The following FBLN2 variants were observed in gnomAD, a reference collection of about 807,000 sequenced individuals.
FBLN2 encodes fibulin-2.
Under a neutral mutation model 123.7 loss-of-function variants are expected in FBLN2, and 81 were observed. The ratio of observed to expected loss-of-function variants is 0.65; its 90% CI spans 0.55 to 0.79. The LOEUF (loss-of-function observed/expected upper bound fraction) is 0.79, where lower values mean the gene tolerates loss of function less well. Among genes scored for constraint, FBLN2 ranks in the 30% least tolerant of loss-of-function variants. The probability of loss-of-function intolerance (pLI) is 0.00; values close to 1 mark genes in which losing one functional copy is unlikely to be tolerated. For missense variants in FBLN2, 1,603 were observed against 1,681.3 expected (o/e 0.95, Z 0.81); for synonymous variants, 699 against 701.4 (o/e 1.00, Z 0.05).
intron 2 of FBLN2, among the ~76,000 whole-genome samples, chr3:13,592,862 C>T (rs1336234609): frequency 6.6e-6 from 1 of 152,188 alleles, no homozygotes; most frequent in Non-Finnish European, 1.5e-5. Flanking sequence ...CTGGGCTCTG[C>T]TGATGGGGGC....
rs985522824 is a variant in FBLN2, at chr3:13,628,971, G to T, written c.2636G>T (p.Gly879Val). The change falls in exon 12 of 18, where the codon GGC becomes GTC. Residue 879 changes from glycine (G) to valine (V), a missense_variant. Transcript: ENST00000404922. The stretch of plus-strand genomic sequence containing the variant: ...GGCTTCAGCTGCATCAACACGGTGG[G>T]CTCCTACACATGCCAGAGGAACCCG... ...RPGFSCINTV[G>V]SYTCQRNPLI... 6.2e-7 allele frequency: 1 copy of T among 1,613,572 alleles called. No homozygotes were observed. Among genetic ancestry groups the T allele is most frequent in the Non-Finnish European group, 8.5e-7 (1 of 1,179,770 alleles).
chr3:13,637,693 C>T lies in FBLN2; in HGVS notation c.3470C>T (p.Pro1157Leu). The stretch of plus-strand genomic sequence containing the variant: ...CATATCTTCCGCATTGGCCCCGCGC[C>T]AGCCTTCACGGGGGACACCATCGCC... ...PAHIFRIGPA[P>L]AFTGDTIALN... The change falls in exon 18 of 18, where the codon CCA becomes CTA. Residue 1157 changes from proline (P) to leucine (L), a missense_variant. Coordinates refer to ENST00000404922, the MANE Select transcript of FBLN2 (RefSeq NM_001004019.2). The T allele has an allele frequency of 6.2e-7, 1 of 1,614,010 alleles. No homozygotes were observed. Among genetic ancestry groups the T allele is most frequent in the African/African-American group, 1.3e-5 (1 of 75,074 alleles).
At chr3:13,564,980 C>T (rs1703702480) in intron 1 of FBLN2, among the ~76,000 whole-genome samples, 1 of 152,200 alleles carries the variant, frequency 6.6e-6, no homozygotes, top group Non-Finnish European at 1.5e-5. Flanking sequence ...TCCTGAGGCA[C>T]TTCTGACTCT....
intron 2 of FBLN2, among the ~76,000 whole-genome samples, chr3:13,581,069 G>T (rs549574816): frequency 6.6e-6 from 1 of 152,308 alleles, no homozygotes; most frequent in East Asian, 1.9e-4. Context: ...AAACACACAG[G>T]TGTTTAATTT....
rs1706405252 is a variant in FBLN2, at chr3:13,634,909, ACAGGGATGT to A, written c.3215-1531_3215-1523del. 2.0e-5 allele frequency among the ~76,000 whole-genome samples: 3 copies of A among 152,330 alleles called. No homozygotes were observed. In the South Asian group the frequency reaches 6.2e-4, roughly 32 times the overall value. On this transcript the variant is annotated intron_variant, in intron 16 of 17. Coordinates refer to ENST00000404922, the MANE Select transcript of FBLN2 (RefSeq NM_001004019.2). ...GTGGGTGCAGAGTCCCTCAAGCATCACAGGGATGTCAGGCAGTAAACTCTGGAGGCAGGC... is the reference window on the plus strand; with the variant it reads ...GTGGGTGCAGAGTCCCTCAAGCATCACAGGCAGTAAACTCTGGAGGCAGGC...
intron 2 of FBLN2, among the ~76,000 whole-genome samples, chr3:13,587,679 TTTAAGTCTGATA>T (rs1303350944): frequency 6.6e-6 from 1 of 152,238 alleles, no homozygotes; most frequent in Non-Finnish European, 1.5e-5. Flanking sequence ...CAGCACAGAC[TTTAAGTCTGATA>T]AGAAACATTT....
chr3:13,577,629 A>C (rs113406925), intron 2 of FBLN2, among the ~76,000 whole-genome samples: 5 of 152,222 alleles, frequency 3.3e-5, no homozygotes, highest in African/African-American at 1.2e-4. Context: ...AGGAGCTCCC[A>C]AAAGGGAACA....
Position 13,613,216 on chromosome 3 carries a change from T to A in FBLN2, c.1549-768T>A, listed in dbSNP as rs1297261363. Among the ~76,000 whole-genome samples, 3 of 152,192 alleles carry A rather than the reference T, an allele frequency of 2.0e-5. No individual in the cohort carries two copies. The South Asian group carries it at 6.2e-4, about 31-fold the overall frequency. On this transcript the variant is annotated intron_variant, in intron 4 of 17. Transcript: ENST00000404922. ...CACCATCATGTGTATCTCATTCTAT[T>A]GGCCAAAGCAAGACAGAAGGCACAA... is the stretch of plus-strand genomic sequence containing the variant.
At chr3:13,566,294 G>T (rs958024210) in intron 1 of FBLN2, among the ~76,000 whole-genome samples, 1 of 152,214 alleles carries the variant, frequency 6.6e-6, no homozygotes, top group Non-Finnish European at 1.5e-5. Context: ...ACCCTGCAGT[G>T]TAGAGACTGT....
chr3:13,633,018 A>C (rs548168932), intron 16 of FBLN2, among the ~76,000 whole-genome samples: 1 of 152,214 alleles, frequency 6.6e-6, no homozygotes, highest in South Asian at 2.1e-4. Context: ...AAGCCCCATC[A>C]GACACTGCAG....
Position 13,549,181 on chromosome 3 carries a change from G to C in FBLN2, c.-69G>C, listed in dbSNP as rs1482462574. The stretch of plus-strand genomic sequence containing the variant: ...CGCGCCGACGGCCGGGCGGACGGAC[G>C]GACGGACGCCGAGCGCAGTGCCCCG... On this transcript the variant is annotated 5_prime_UTR_variant, in exon 1 of 18. Transcript: ENST00000404922. 1.0e-6 allele frequency: 1 copy of C among 983,228 alleles called. No individual in the cohort carries two copies. The highest frequency in any genetic ancestry group is 1.2e-6 in the Non-Finnish European group (1 of 829,178). The allele number at this position is 983,228 out of a possible 1,614,324, so 60.9% of individuals were successfully genotyped here. A position where few individuals can be genotyped will look rare whatever the true frequency, so the allele number is the denominator to read the frequency against.
At chr3:13,605,869 C>T (rs1356503311) in intron 2 of FBLN2, among the ~76,000 whole-genome samples, 1 of 152,148 alleles carries the variant, frequency 6.6e-6, no homozygotes, top group Admixed American at 6.5e-5. Flanking sequence ...AAAAGGGGGT[C>T]CCCACCTCTG....
chr3:13,634,955 A>G (rs1706406394), intron 16 of FBLN2, among the ~76,000 whole-genome samples: 1 of 152,200 alleles, frequency 6.6e-6, no homozygotes. Flanking sequence ...GACTATTGGT[A>G]TTATTACTAT....
intron 5 of FBLN2, among the ~76,000 whole-genome samples, chr3:13,616,667 C>T (rs1705617638): frequency 6.6e-6 from 1 of 152,170 alleles, no homozygotes; most frequent in Non-Finnish European, 1.5e-5. Flanking sequence ...GGAAGGAGGC[C>T]CTGGGCTGGC....
chr3:13,575,618 C>T (rs1704114178), intron 2 of FBLN2, among the ~76,000 whole-genome samples: 1 of 152,170 alleles, frequency 6.6e-6, no homozygotes, highest in Non-Finnish European at 1.5e-5. Context: ...ACTGGGGCTC[C>T]TGATAACAAA....
chr3:13,618,271 G>A lies in FBLN2; in HGVS notation c.1925G>A (p.Arg642His), dbSNP rs750796686. ...FPGFSLQDDGRTCRPEGHPPQ... is the reference protein window; with the variant it reads ...FPGFSLQDDGHTCRPEGHPPQ... The stretch of plus-strand genomic sequence containing the variant: ...GGCTTCTCACTGCAGGACGATGGCC[G>A]CACTTGCCGCCCAGGTAAGGGCCCT... Residue 642 changes from arginine (R) to histidine (H), a missense_variant, in exon 6 of 18, where the codon CGC (arginine) becomes CAC (histidine). Coordinates refer to ENST00000404922, the MANE Select transcript of FBLN2 (RefSeq NM_001004019.2). 1.1e-5 allele frequency: 17 copies of A among 1,613,696 alleles called. No homozygotes were observed. Among genetic ancestry groups the A allele is most frequent in the Non-Finnish European group, 1.4e-5 (16 of 1,179,886 alleles).
chr3:13,621,728 T>C (rs369184524), intron 8 of FBLN2, 47 bp from the exon 9 acceptor site: 108 of 1,606,116 alleles, frequency 6.7e-5, no homozygotes, highest in Non-Finnish European at 8.5e-5. Context: ...TGGCAGCCCA[T>C]GTCCCTCTAA....
intron 1 of FBLN2, among the ~76,000 whole-genome samples, chr3:13,563,684 T>C (rs1392511932): frequency 1.3e-5 from 2 of 152,224 alleles, no homozygotes; most frequent in African/African-American, 2.4e-5. Flanking sequence ...CTATGGGTCT[T>C]GCATTACTGT....
chr3:13,625,394 C>G (rs1392896481), intron 9 of FBLN2, among the ~76,000 whole-genome samples: 1 of 152,192 alleles, frequency 6.6e-6, no homozygotes, highest in Non-Finnish European at 1.5e-5. Context: ...TTGGCCTCCT[C>G]TCCGTGTGAT....
Sources: gnomAD v4.1 joint callset for allele counts (sites outside exome capture counted in the v4.1 genomes callset) on GRCh38, gnomAD v4.1.1 for gene constraint, MANE v1.5 for transcripts, NCBI Gene and HGNC (gene_info 2026-07-23, HGNC 2026-07-21) for gene names.